FBXL7: variants seen among roughly 807,000 people sequenced by gnomAD.
The protein encoded by FBXL7 is F-box and leucine rich repeat protein 7, also known as F-box/LRR-repeat protein 7.
FBXL7 carries 12 observed loss-of-function variants against 38.3 expected under a neutral mutation model. The observed-to-expected ratio is 0.31, with a 90% CI of 0.20 to 0.51. The LOEUF is 0.51. Among genes scored for constraint, FBXL7 ranks in the 20% least tolerant of loss-of-function variants. FBXL7 has a pLI of 0.98. For synonymous variants in FBXL7, 297 were observed against 300.9 expected (o/e 0.99, Z 0.13); for missense variants, 567 against 676.4 (o/e 0.84, Z 1.79).
intron 1 of FBXL7, among the ~76,000 whole-genome samples, chr5:15,546,213 T>C (rs1737887018): frequency 6.6e-6 from 1 of 152,164 alleles, no homozygotes; most frequent in South Asian, 2.1e-4. Context: ...GCGGATTACC[T>C]GAGGTCAGGA....
chr5:15,709,495 C>G (rs925980144), intron 2 of FBXL7, among the ~76,000 whole-genome samples: 3 of 150,200 alleles, frequency 2.0e-5, no homozygotes, highest in Non-Finnish European at 3.0e-5. Context: ...GATTGTGCCA[C>G]TACACTCCAC....
chr5:15,906,422 G>C (rs1473364765), intron 2 of FBXL7, among the ~76,000 whole-genome samples: 1 of 134,298 alleles, frequency 7.4e-6, no homozygotes, highest in Non-Finnish European at 1.6e-5. Flanking sequence ...ATTTTACATA[G>C]TTGACCTAGA....
At chr5:15,695,590 T>A (rs892103635) in intron 2 of FBXL7, among the ~76,000 whole-genome samples, 2 of 152,190 alleles carry the variant, frequency 1.3e-5, no homozygotes, top group Non-Finnish European at 2.9e-5. Flanking sequence ...TGGGGTAATT[T>A]CTTAGTGATT....
intron 2 of FBXL7, among the ~76,000 whole-genome samples, chr5:15,627,684 C>T (rs1561058746): frequency 1.3e-5 from 2 of 152,176 alleles, no homozygotes; most frequent in Non-Finnish European, 2.9e-5. Context: ...CACTAAAGCA[C>T]CATCTTCTCA....
At chr5:15,615,952 C>T in intron 1 of FBXL7, 31 bp from the exon 2 acceptor site, 1 of 1,536,234 alleles carries the variant, frequency 6.5e-7, no homozygotes. Context: ...AATTACAAAT[C>T]TCAAAAGCTG....
chr5:15,550,675 T>C (rs1738040717), intron 1 of FBXL7, among the ~76,000 whole-genome samples: 1 of 152,252 alleles, frequency 6.6e-6, no homozygotes, highest in South Asian at 2.1e-4. Context: ...TTTAAACCTT[T>C]GTATTTCTAA....
At chr5:15,617,464 T>C (rs1740493408) in intron 2 of FBXL7, among the ~76,000 whole-genome samples, 1 of 133,828 alleles carries the variant, frequency 7.5e-6, no homozygotes, top group Admixed American at 7.6e-5. Flanking sequence ...TATTTATTTA[T>C]TTATTTATTT....
chr5:15,877,444 C>T (rs1458052841), intron 2 of FBXL7, among the ~76,000 whole-genome samples: 1 of 152,114 alleles, frequency 6.6e-6, no homozygotes, highest in Non-Finnish European at 1.5e-5. Context: ...ATGAGGGATT[C>T]ATTTAATCGT....
intron 2 of FBXL7, among the ~76,000 whole-genome samples, chr5:15,731,002 T>C (rs1735569135): frequency 6.6e-6 from 1 of 152,180 alleles, no homozygotes; most frequent in Non-Finnish European, 1.5e-5. Context: ...TAAGCTCTCT[T>C]ATTACTGATG....
chr5:15,823,085 T>A (rs1335266079), intron 2 of FBXL7, among the ~76,000 whole-genome samples: 1 of 152,232 alleles, frequency 6.6e-6, no homozygotes, highest in Non-Finnish European at 1.5e-5. Context: ...TTGCATTACC[T>A]CTTGTGATAA....
chr5:15,529,518 T>TG, intron 1 of FBXL7, among the ~76,000 whole-genome samples: 1 of 152,150 alleles, frequency 6.6e-6, no homozygotes, highest in East Asian at 1.9e-4. Flanking sequence ...CCCGAGTAGC[T>TG]GGGACTACAG....
intron 1 of FBXL7, among the ~76,000 whole-genome samples, chr5:15,560,192 T>C (rs1411380348): frequency 6.6e-6 from 1 of 152,204 alleles, no homozygotes; most frequent in East Asian, 1.9e-4. Context: ...AGTTGATCCT[T>C]AATAGCATCT....
At chr5:15,864,935 G>T (rs563805000) in intron 2 of FBXL7, among the ~76,000 whole-genome samples, 4 of 152,116 alleles carry the variant, frequency 2.6e-5, no homozygotes, top group Non-Finnish European at 5.9e-5. Flanking sequence ...AAAAGGTCTG[G>T]TATTGTCTTC....
chr5:15,750,217 T>TA (rs34329837), intron 2 of FBXL7, among the ~76,000 whole-genome samples: 1 of 152,252 alleles, frequency 6.6e-6, no homozygotes, highest in Non-Finnish European at 1.5e-5. Context: ...CTTGCATTTT[T>TA]AAAGTTGATG....
chr5:15,601,994 G>C (rs888504435), intron 1 of FBXL7, among the ~76,000 whole-genome samples: 1 of 152,078 alleles, frequency 6.6e-6, no homozygotes, highest in Admixed American at 6.6e-5. Context: ...GAGACACAGA[G>C]GCACACAGAG....
At chr5:15,848,202 A>G (rs1738974079) in intron 2 of FBXL7, among the ~76,000 whole-genome samples, 1 of 151,714 alleles carries the variant, frequency 6.6e-6, no homozygotes, top group Admixed American at 6.6e-5. Context: ...ATGTTCTTTG[A>G]ATAATTATTT....
chr5:15,541,188 T>C (rs977267740), intron 1 of FBXL7, among the ~76,000 whole-genome samples: 2 of 151,598 alleles, frequency 1.3e-5, no homozygotes, highest in Non-Finnish European at 2.9e-5. Flanking sequence ...AGCATGAATC[T>C]CTTAAGAATG....
At chr5:15,776,381 T>C (rs1249380958) in intron 2 of FBXL7, among the ~76,000 whole-genome samples, 1 of 152,080 alleles carries the variant, frequency 6.6e-6, no homozygotes, top group Non-Finnish European at 1.5e-5. Context: ...CATGTTTCTA[T>C]GGTAACAACC....
Position 15,616,022 on chromosome 5 carries a change from G to C in FBXL7, c.77G>C (p.Ser26Thr). The C allele has an allele frequency of 1.2e-6, 2 of 1,613,542 alleles. No individual in the cohort carries two copies. The highest frequency in any genetic ancestry group is 1.7e-6 in the Non-Finnish European group (2 of 1,179,646). The change falls in exon 2 of 4, where the codon AGT becomes ACT. Residue 26 changes from serine (S) to threonine (T), a missense_variant. Coordinates refer to ENST00000504595, the MANE Select transcript of FBXL7 (RefSeq NM_012304.5). ...SSSISSDVSS[S>T]TDHTPTKAQK... is the part of the protein sequence containing the mutation. The stretch of plus-strand genomic sequence containing the variant: ...AGCATCTCATCTGACGTGAGTTCAA[G>C]TACAGATCACACGCCCACTAAAGCC...
Sources: allele counts gnomAD v4.1 joint callset (sites outside exome capture counted in the v4.1 genomes callset), GRCh38; gene constraint gnomAD v4.1.1; transcripts MANE v1.5; gene names NCBI Gene and HGNC (gene_info 2026-07-23, HGNC 2026-07-21).